Variants in PTPN18 observed in about 807,000 individuals in gnomAD.
PTPN18 encodes protein tyrosine phosphatase non-receptor type 18.
Under a neutral mutation model 65.4 loss-of-function variants are expected in PTPN18, and 65 were observed. The observed-to-expected ratio is 0.99, with a 90% CI of 0.81 to 1.22. The LOEUF (loss-of-function observed/expected upper bound fraction) is 1.22. Ranked by LOEUF, PTPN18 falls within the 50% of genes most tolerant of loss-of-function variation. The pLI is 0.00. For synonymous variants in PTPN18, 255 were observed against 267.8 expected, an observed-to-expected ratio of 0.95 and a Z score of 0.47; for missense variants, 616 against 646.5, an observed-to-expected ratio of 0.95 and a Z score of 0.51.
At chr2:130,372,782 G>T in intron 13 of PTPN18, 91 bp from the exon 14 acceptor site, 1 of 1,477,540 alleles carries the variant, frequency 6.8e-7, no homozygotes, top group Non-Finnish European at 9.3e-7. Flanking sequence ...TCTCCCCTTC[G>T]GGCCTCCGGG....
intron 1 of PTPN18, 92 bp downstream of exon 1, chr2:130,356,292 C>G: frequency 6.3e-6 from 6 of 959,310 alleles, no homozygotes; most frequent in Non-Finnish European, 8.5e-6. Flanking sequence ...GCCTTTCTGT[C>G]TCGGTGTCCC....
rs1457534776 is a variant in PTPN18 at position 130,357,672 on chromosome 2, C to T, written c.94-1195C>T. On this transcript the variant is annotated intron_variant, in intron 1 of 14. Transcript: ENST00000175756. Reference sequence around the variant, plus strand: ...GAGATCCACACCATCCTGGCTAACACGGTGAAACCCCGTCTCTACTAAACA... The same window carrying T: ...GAGATCCACACCATCCTGGCTAACATGGTGAAACCCCGTCTCTACTAAACA... Among the ~76,000 whole-genome samples the T allele has an allele frequency of 3.9e-5, 6 of 152,142 alleles. No homozygotes were observed. In the East Asian group the frequency reaches 7.7e-4, roughly 20 times the overall value.
intron 4 of PTPN18, 29 bp downstream of exon 4, chr2:130,359,521 T>TGG: frequency 3.1e-6 from 5 of 1,613,144 alleles, no homozygotes; most frequent in Non-Finnish European, 4.2e-6. Context: ...GGCACAATGG[T>TGG]GGGGTCAACA....
intron 13 of PTPN18, 107 bp downstream of exon 13, chr2:130,372,590 C>A: frequency 7.6e-7 from 1 of 1,313,564 alleles, no homozygotes; most frequent in Non-Finnish European, 1.0e-6. Context: ...GGACCCCAGC[C>A]GCTAGCCTGG....
At chr2:130,368,973 T>C (rs1241414505) in intron 5 of PTPN18, 160 bp from the exon 6 acceptor site, 1 of 601,912 alleles carries the variant, frequency 1.7e-6, no homozygotes, top group African/African-American at 1.9e-5. Flanking sequence ...TGCATGTGTT[T>C]AATCTGATGG....
chr2:130,356,784 G>A, intron 1 of PTPN18: 1 of 386,498 alleles, frequency 2.6e-6, no homozygotes, highest in Non-Finnish European at 5.5e-6. Flanking sequence ...CTCCCTTGGT[G>A]AAATGGGGAC....
chr2:130,358,906 G>A lies in PTPN18; in HGVS notation c.133G>A (p.Val45Met), dbSNP rs138630717. 70 of 1,614,014 alleles carry A rather than the reference G, an allele frequency of 4.3e-5. No homozygotes were observed. The highest frequency in any genetic ancestry group is 3.3e-4 in the Middle Eastern group (2 of 6,062). The change falls in exon 2 of 15, where the codon GTG becomes ATG. Residue 45 changes from valine to methionine, a missense_variant. Physicochemically the swap from Val to Met is conservative, Grantham distance 21. Coordinates refer to ENST00000175756, the MANE Select transcript of PTPN18 (RefSeq NM_014369.4). Reference sequence around the variant, plus strand: ...CTCGGCCGCCTGGAAGGCTGACGGCGTGTGCTCCACCGTGGCCGGCAGTCG... The same window carrying A: ...CTCGGCCGCCTGGAAGGCTGACGGCATGTGCTCCACCGTGGCCGGCAGTCG... Reference protein sequence around the residue: ...ACSAAWKADGVCSTVAGSRPE... With the variant: ...ACSAAWKADGMCSTVAGSRPE...
chr2:130,371,045 G>C lies in PTPN18; in HGVS notation c.924+81G>C, dbSNP rs1389080269. 10 of 1,466,810 alleles carry C rather than the reference G, an allele frequency of 6.8e-6. No homozygotes were observed. The African/African-American group carries it at 1.3e-4, about 19-fold the overall frequency. The allele number at this position is 1,466,810 out of a possible 1,614,324, so 90.9% of individuals were successfully genotyped here. A position where few individuals can be genotyped will look rare whatever the true frequency, so the allele number is the denominator to read the frequency against. On this transcript the variant is annotated intron_variant, in intron 11 of 14. Transcript: ENST00000175756. ...GACCCCGAGCAGGGTCCAGCCCCCG[G>C]GACTACTGGGAGCAGGCACTGACTA...
In PTPN18 at chr2:130,374,837, C is replaced by G; in HGVS notation, c.*1613C>G. 1 of 397,856 alleles carries G rather than the reference C, an allele frequency of 2.5e-6. No homozygotes were observed. 24.6% of individuals were successfully genotyped at this position (397,856 alleles called of 1,614,324 possible). On this transcript the variant is annotated 3_prime_UTR_variant, in exon 15 of 15. Transcript: ENST00000175756. ...GATCTCAAGTGCCTTGGCATGAACTCCACTCTCCTGCAGCCTTCAATCAAG... is the reference window on the plus strand; with the variant it reads ...GATCTCAAGTGCCTTGGCATGAACTGCACTCTCCTGCAGCCTTCAATCAAG...
chr2:130,370,185 C>T lies in PTPN18; in HGVS notation c.684C>T (p.His228=). The T allele has an allele frequency of 1.9e-6, 3 of 1,611,284 alleles. No homozygotes were observed. ...QGSGPEPLCV[H]CSAGCGRTGV... is the part of the protein sequence containing the mutation. ...CTGGCCCTGAACCCCTCTGTGTCCA[C>T]TGCAGGTTTTGGAAATGGGCTTCAG... Residue 228 remains histidine (H), a synonymous_variant, in exon 8 of 15, where the codon CAC becomes CAT. Transcript: ENST00000175756.
In PTPN18 at chr2:130,358,876, G is replaced by A. The variant is rs1450476778; in HGVS notation, c.103G>A (p.Ala35Thr). Residue 35 changes from alanine to threonine, a missense_variant, in exon 2 of 15, where the codon GCC becomes ACC. Around this residue, in one of 3 missense-constraint regions of PTPN18, gnomAD observed 223 missense variants for 210.0 expected, o/e 1.06. Coordinates refer to ENST00000175756, the MANE Select transcript of PTPN18 (RefSeq NM_014369.4). ...CATAATGCTCTACCAGGACATCCAG[G>A]CCTGCTCGGCCGCCTGGAAGGCTGA... ...VLAGEFSDIQ[A>T]CSAAWKADGV... 9 of 1,612,996 alleles carry A rather than the reference G, an allele frequency of 5.6e-6. No homozygotes were observed. Among genetic ancestry groups the A allele is most frequent in the Admixed American group, 1.7e-5 (1 of 59,962 alleles).
At chr2:130,356,358 G>C (rs958694671) in intron 1 of PTPN18, among the ~76,000 whole-genome samples, 158 bp downstream of exon 1, 8 of 152,036 alleles carry the variant, frequency 5.3e-5, no homozygotes, top group African/African-American at 1.9e-4. Context: ...GCACTTCTCT[G>C]TCGCTCTTGC....
intron 2 of PTPN18, 115 bp downstream of exon 2, chr2:130,359,090 C>A: frequency 1.4e-6 from 2 of 1,443,842 alleles, no homozygotes; most frequent in Non-Finnish European, 1.9e-6. Flanking sequence ...TCACCCTCTG[C>A]ACTGCTCAGC....
In PTPN18 at chr2:130,374,303, C is replaced by T; in HGVS notation, c.*1079C>T. ...CCAGACTGACCCCTTACTATTCACA[C>T]AGCCTGCCGAGTAGCTGGGACTACA... On this transcript the variant is annotated 3_prime_UTR_variant, in exon 15 of 15. Transcript: ENST00000175756. The T allele has an allele frequency of 4.1e-6, 1 of 242,650 alleles. No homozygotes were observed. The highest frequency in any genetic ancestry group is 8.4e-6 in the Non-Finnish European group (1 of 119,524). The allele number at this position is 242,650 out of a possible 1,614,324, so 15.0% of individuals were successfully genotyped here.
intron 13 of PTPN18, 33 bp from the exon 14 acceptor site, chr2:130,372,840 G>A: frequency 6.2e-7 from 1 of 1,612,262 alleles, no homozygotes; most frequent in Non-Finnish European, 8.5e-7. Flanking sequence ...TGGGGCTTCC[G>A]GAGCTGACCC....
At position 130,374,749 on chromosome 2, in the gene PTPN18, G is replaced by C. The variant is rs1463198751; in HGVS notation, c.*1525G>C. ...TGCCCTGGGCCCCATGTCCACCCCT[G>C]TCCTGCCCTTCTCTGGGATAGGGCT... On this transcript the variant is annotated 3_prime_UTR_variant, in exon 15 of 15. Coordinates refer to ENST00000175756, the MANE Select transcript of PTPN18 (RefSeq NM_014369.4). The C allele has an allele frequency of 4.3e-6, 2 of 466,718 alleles. No homozygotes were observed. The highest frequency in any genetic ancestry group is 2.0e-5 in the African/African-American group (1 of 49,962). 28.9% of individuals were successfully genotyped at this position (466,718 alleles called of 1,614,324 possible). A position where few individuals can be genotyped will look rare whatever the true frequency, so the allele number is the denominator to read the frequency against.
chr2:130,369,960 G>C (rs1680500127), intron 7 of PTPN18, 88 bp from the exon 8 acceptor site: 7 of 1,565,230 alleles, frequency 4.5e-6, no homozygotes, highest in Admixed American at 1.7e-5. Context: ...AAGATGCCTA[G>C]AAGTGGGCCT....
chr2:130,361,173 G>T (rs1362482571), intron 5 of PTPN18, among the ~76,000 whole-genome samples: 1 of 152,120 alleles, frequency 6.6e-6, no homozygotes, highest in Admixed American at 6.5e-5. Context: ...TAAATGTATG[G>T]ATTGCTTAGA....
Position 130,356,122 on chromosome 2 carries a change from G to A in PTPN18, c.15G>A (p.Leu5=). The change falls in exon 1 of 15, where the codon CTG becomes CTA. Residue 5 remains leucine (L), a synonymous_variant. Transcript: ENST00000175756. MSRS[L]DSARSFLERL... Reference sequence around the variant, plus strand: ...CCCGCGGCGCCATGAGCCGCAGCCTGGACTCGGCGCGGAGCTTCCTGGAGC... The same window carrying A: ...CCCGCGGCGCCATGAGCCGCAGCCTAGACTCGGCGCGGAGCTTCCTGGAGC... The A allele has an allele frequency of 7.6e-7, 1 of 1,309,710 alleles. No individual in the cohort carries two copies. The highest frequency in any genetic ancestry group is 9.7e-7 in the Non-Finnish European group (1 of 1,033,226). 81.1% of individuals were successfully genotyped at this position (1,309,710 alleles called of 1,614,324 possible).
Sources: gnomAD v4.1 joint callset for allele counts (sites outside exome capture counted in the v4.1 genomes callset) on GRCh38, gnomAD v4.1.1 for gene constraint, gnomAD v4.1.1 regional missense constraint, MANE v1.5 for transcripts, NCBI Gene and HGNC (gene_info 2026-07-23, HGNC 2026-07-21) for gene names.